Variants in WAC observed in about 807,000 individuals in gnomAD.
WAC encodes WW domain-containing adapter protein with coiled-coil.
WAC carries 11 observed loss-of-function variants against 79.6 expected under a neutral mutation model. The observed-to-expected ratio is 0.14, with a 90% CI of 0.09 to 0.23. The LOEUF is 0.23. WAC is among the 10% of genes least tolerant of loss of function. WAC has a pLI of 1.00. For missense variants in WAC, 728 were observed against 773.5 expected (o/e 0.94, Z 0.70); for synonymous variants, 304 against 276.9 (o/e 1.10, Z -0.97).
In WAC at chr10:28,533,497, G is replaced by GC; in HGVS notation, c.-81dup. ...CAGGTGCCGGGGCTGCCCGCCGCCC[G>GC]CCGCCGCCGCCGCCTGCGCGCCCGC... On this transcript the variant is annotated 5_prime_UTR_variant, in exon 1 of 14. Transcript: ENST00000354911. 10 of 671,338 alleles carry GC rather than the reference G, an allele frequency of 1.5e-5. No homozygotes were observed. Among genetic ancestry groups the GC allele is most frequent in the South Asian group, 5.2e-5 (1 of 19,232 alleles). The allele number at this position is 671,338 out of a possible 1,614,324, so 41.6% of individuals were successfully genotyped here.
chr10:28,539,706 A>G (rs1463709801), intron 3 of WAC, among the ~76,000 whole-genome samples: 2 of 151,898 alleles, frequency 1.3e-5, no homozygotes, highest in Non-Finnish European at 2.9e-5. Flanking sequence ...TTACAAACAT[A>G]CGCCATCATG....
At chr10:28,563,768 T>TTTTTTTTTTTTTTTTTTTTTTTTC in intron 3 of WAC, among the ~76,000 whole-genome samples, 1 of 136,420 alleles carries the variant, frequency 7.3e-6, no homozygotes, top group African/African-American at 2.7e-5. Context: ...TTTTTTTTTT[T>TTTTTTTTTTTTTTTTTTTTTTTTC]TTTTTGTATT....
intron 4 of WAC, among the ~76,000 whole-genome samples, chr10:28,587,664 T>G (rs1162618936): frequency 1.3e-5 from 2 of 152,202 alleles, no homozygotes; most frequent in Admixed American, 1.3e-4. Flanking sequence ...ATTGTAAAAA[T>G]TATCCCATAA....
At chr10:28,588,838 T>A (rs1015114250) in intron 4 of WAC, 2 of 152,212 alleles carry the variant, frequency 1.3e-5, no homozygotes, top group African/African-American at 4.8e-5. Context: ...TTGCATATCA[T>A]CTCATTTATT....
intron 3 of WAC, among the ~76,000 whole-genome samples, chr10:28,575,014 T>C (rs1839171333): frequency 6.6e-6 from 1 of 152,200 alleles, no homozygotes; most frequent in Non-Finnish European, 1.5e-5. Flanking sequence ...ATTTGGTAAA[T>C]GTTGATGTTC....
At chr10:28,545,331 T>TA (rs1334989915) in intron 3 of WAC, among the ~76,000 whole-genome samples, 2 of 152,006 alleles carry the variant, frequency 1.3e-5, no homozygotes, top group Non-Finnish European at 1.5e-5. Flanking sequence ...CTACTAAAAA[T>TA]ACAAAATTAG....
chr10:28,583,492 A>G lies in WAC; in HGVS notation c.368A>G (p.Lys123Arg), dbSNP rs559564372. The part of the protein sequence containing the change: ...HSSNPSNNPS[K>R]TSDAPYDSAD... Reference sequence around the variant, plus strand: ...TCTAATCCAAGCAATAACCCAAGCAAAACTTCAGATGCAGTAAGTATTATA... The same window carrying G: ...TCTAATCCAAGCAATAACCCAAGCAGAACTTCAGATGCAGTAAGTATTATA... Residue 123 changes from lysine to arginine, a missense_variant, in exon 4 of 14, where the codon AAA (lysine) becomes AGA (arginine). This residue lies in a region of WAC where 648 missense variants were observed against 661.5 expected (regional missense o/e 0.98). Transcript: ENST00000354911. The G allele has an allele frequency of 2.5e-5, 39 of 1,579,056 alleles. No individual in the cohort carries two copies. The highest frequency in any genetic ancestry group is 1.4e-5 in the African/African-American group (1 of 72,830).
intron 2 of WAC, chr10:28,535,324 T>G: frequency 2.7e-6 from 1 of 368,004 alleles, no homozygotes; most frequent in Non-Finnish European, 4.8e-6. Context: ...GTTTATAAGA[T>G]AATGGAGTGG....
chr10:28,603,979 ATATATATATGTATATATAT>A (rs1840792211), intron 7 of WAC, among the ~76,000 whole-genome samples: 1 of 66,726 alleles, frequency 1.5e-5, no homozygotes, highest in African/African-American at 6.5e-5. Flanking sequence ...ATATATATAT[ATATATATATGTATATATAT>A]ATATATTTCT....
intron 7 of WAC, among the ~76,000 whole-genome samples, chr10:28,605,303 C>G (rs1283641171): frequency 6.6e-6 from 1 of 152,188 alleles, no homozygotes; most frequent in Non-Finnish European, 1.5e-5. Context: ...GCCAGAATCA[C>G]ACATAGAACT....
At chr10:28,558,635 G>A (rs967892053) in intron 3 of WAC, among the ~76,000 whole-genome samples, 13 of 152,214 alleles carry the variant, frequency 8.5e-5, no homozygotes, top group Middle Eastern at 3.4e-3. Flanking sequence ...TTTTTATGTT[G>A]TTCCTCATTG....
chr10:28,588,224 C>A (rs956273109), intron 4 of WAC, among the ~76,000 whole-genome samples: 3 of 152,120 alleles, frequency 2.0e-5, no homozygotes, highest in African/African-American at 4.8e-5. Flanking sequence ...TAGGGAAGAA[C>A]TTCCTGAATT....
chr10:28,540,767 T>A (rs1295064261), intron 3 of WAC, among the ~76,000 whole-genome samples: 1 of 152,246 alleles, frequency 6.6e-6, no homozygotes, highest in African/African-American at 2.4e-5. Flanking sequence ...CAGAAATGTT[T>A]GCATTGGATT....
intron 7 of WAC, 121 bp from the exon 8 acceptor site, chr10:28,608,065 G>A: frequency 2.8e-6 from 3 of 1,061,666 alleles, no homozygotes; most frequent in Non-Finnish European, 4.1e-6. Flanking sequence ...GTGCTCCAGT[G>A]TGTAAGGGTT....
Position 28,534,028 on chromosome 10 carries a change from T to C in WAC, c.72T>C (p.Pro24=). 1 of 1,590,286 alleles carries C rather than the reference T, an allele frequency of 6.3e-7. No individual in the cohort carries two copies. The highest frequency in any genetic ancestry group is 8.6e-7 in the Non-Finnish European group (1 of 1,169,490). The change falls in exon 2 of 14, where the codon CCT becomes CCC. Residue 24 remains proline, a synonymous_variant. Coordinates refer to ENST00000354911, the MANE Select transcript of WAC (RefSeq NM_016628.5). ...ACGACCGGAGGGGGGACTCGCAGCC[T>C]TACCAGGTACCAGCCGAGGCCGGGG... is the stretch of plus-strand genomic sequence containing the variant. ...GCHDRRGDSQ[P]YQALKYSSKS... is the part of the protein sequence containing the mutation.
intron 3 of WAC, among the ~76,000 whole-genome samples, chr10:28,559,252 T>C (rs902986953): frequency 6.6e-6 from 1 of 151,622 alleles, no homozygotes; most frequent in African/African-American, 2.4e-5. Flanking sequence ...AAGGAGGAAG[T>C]AGTAAGATAT....
intron 3 of WAC, among the ~76,000 whole-genome samples, chr10:28,577,341 T>G (rs1216801283): frequency 2.6e-5 from 4 of 152,220 alleles, no homozygotes; most frequent in African/African-American, 9.6e-5. Flanking sequence ...TTTGCATTAT[T>G]ATCTCTTGAA....
chr10:28,594,348 TTCTG>T (rs1232800816), intron 6 of WAC, among the ~76,000 whole-genome samples: 1 of 152,194 alleles, frequency 6.6e-6, no homozygotes, highest in Non-Finnish European at 1.5e-5. Flanking sequence ...CTCTAAAGGT[TTCTG>T]TCTTAGTTGT....
At chr10:28,562,378 G>T (rs1264840347) in intron 3 of WAC, among the ~76,000 whole-genome samples, 3 of 151,794 alleles carry the variant, frequency 2.0e-5, no homozygotes, top group Admixed American at 2.0e-4. Flanking sequence ...GATTTTCTAT[G>T]TGTTTTTTTC....
Sources: gnomAD v4.1 joint callset for allele counts (sites outside exome capture counted in the v4.1 genomes callset) on GRCh38, gnomAD v4.1.1 for gene constraint, gnomAD v4.1.1 regional missense constraint, MANE v1.5 for transcripts, NCBI Gene and HGNC (gene_info 2026-07-23, HGNC 2026-07-21) for gene names.